The following KLHL12 variants were observed in gnomAD, a reference collection of about 807,000 sequenced individuals.
The protein encoded by KLHL12 is kelch like family member 12.
KLHL12 carries 17 observed loss-of-function variants against 60.8 expected under a neutral mutation model. That is an observed-to-expected ratio of 0.28 (90% CI 0.19 to 0.42). The LOEUF (loss-of-function observed/expected upper bound fraction) is 0.42, where lower values mean the gene tolerates loss of function less well. Among genes scored for constraint, KLHL12 ranks in the 10% least tolerant of loss-of-function variants. The pLI is 1.00. For synonymous variants in KLHL12, 220 were observed against 250.9 expected (o/e 0.88, Z 1.16); for missense variants, 468 against 722.3 (o/e 0.65, Z 4.04).
At chr1:202,903,164 A>T (rs1222486874) in intron 6 of KLHL12, among the ~76,000 whole-genome samples, 2 of 145,068 alleles carry the variant, frequency 1.4e-5, no homozygotes, top group Admixed American at 6.8e-5. Context: ...TGTCTCAAAA[A>T]AAAAAAAAAA....
rs565567974 is a variant in KLHL12, at chr1:202,891,328, T to C, written c.*1205A>G. The C allele has an allele frequency of 3.3e-5, 5 of 152,758 alleles. No individual in the cohort carries two copies. Among genetic ancestry groups the C allele is most frequent in the African/African-American group, 9.6e-5 (4 of 41,566 alleles). The allele number at this position is 152,758 out of a possible 1,614,324, so 9.5% of individuals were successfully genotyped here. A position where few individuals can be genotyped will look rare whatever the true frequency, so the allele number is the denominator to read the frequency against. ...TTGAATGGTAGCTCAGAAATGTTGA[T>C]AGCTGAGGTACTGAAACTAACAAAA... is the stretch of plus-strand genomic sequence containing the variant. On this transcript the variant is annotated 3_prime_UTR_variant, in exon 12 of 12. Coordinates refer to ENST00000367261, the MANE Select transcript of KLHL12 (RefSeq NM_021633.4).
chr1:202,923,860 TA>T (rs377347301), intron 2 of KLHL12, among the ~76,000 whole-genome samples: 3 of 79,098 alleles, frequency 3.8e-5, no homozygotes, highest in African/African-American at 7.5e-5. Flanking sequence ...TAGAACTAAC[TA>T]AAAAAAAAAC....
intron 8 of KLHL12, 111 bp from the exon 9 acceptor site, chr1:202,894,860 T>A: frequency 1.2e-6 from 1 of 818,710 alleles, no homozygotes; most frequent in Non-Finnish European, 2.0e-6. Context: ...AAAAACAAAG[T>A]ATTTTTAAAT....
chr1:202,919,673 T>C, intron 3 of KLHL12, 82 bp downstream of exon 3: 1 of 1,335,772 alleles, frequency 7.5e-7, no homozygotes, highest in Non-Finnish European at 1.0e-6. Context: ...TCCAAAATGT[T>C]CATGATTAAG....
chr1:202,917,225 C>T (rs1056931517), intron 4 of KLHL12, among the ~76,000 whole-genome samples: 2 of 152,022 alleles, frequency 1.3e-5, no homozygotes, highest in Non-Finnish European at 2.9e-5. Context: ...TTCCTTCTTC[C>T]CCCGCAAGAG....
At chr1:202,914,296 C>A (rs1008065523) in intron 4 of KLHL12, among the ~76,000 whole-genome samples, 11 of 152,272 alleles carry the variant, frequency 7.2e-5, no homozygotes, top group South Asian at 4.1e-4. Context: ...GTACATTAGG[C>A]AAAAGGTGAC....
At chr1:202,922,597 C>T (rs1267341329) in intron 2 of KLHL12, among the ~76,000 whole-genome samples, 3 of 151,854 alleles carry the variant, frequency 2.0e-5, no homozygotes, top group Non-Finnish European at 4.4e-5. Context: ...CGCCATTCTC[C>T]TGCCTCAGCC....
chr1:202,908,995 G>C lies in KLHL12; in HGVS notation c.832+15C>G, dbSNP rs749527658. On this transcript the variant is annotated intron_variant, in intron 6 of 11. Coordinates refer to ENST00000367261, the MANE Select transcript of KLHL12 (RefSeq NM_021633.4). The stretch of plus-strand genomic sequence containing the variant: ...TTGAAAAGCATCCCCTCATTCTGCC[G>C]AGATACCAGCTTACCTAGGCGAGCC... 1 of 1,530,506 alleles carries C rather than the reference G, an allele frequency of 6.5e-7. No individual in the cohort carries two copies. The highest frequency in any genetic ancestry group is 2.3e-5 in the East Asian group (1 of 44,402). The allele number at this position is 1,530,506 out of a possible 1,614,324, so 94.8% of individuals were successfully genotyped here. A position where few individuals can be genotyped will look rare whatever the true frequency, so the allele number is the denominator to read the frequency against.
At chr1:202,907,177 TAA>T (rs1237076132) in intron 6 of KLHL12, among the ~76,000 whole-genome samples, 1 of 152,240 alleles carries the variant, frequency 6.6e-6, no homozygotes, top group Non-Finnish European at 1.5e-5. Flanking sequence ...ATGCCCTATC[TAA>T]AAGTTCTCTT....
chr1:202,901,679 CTTCA>C (rs1194505478), intron 6 of KLHL12, among the ~76,000 whole-genome samples: 1 of 152,044 alleles, frequency 6.6e-6, no homozygotes, highest in Non-Finnish European at 1.5e-5. Flanking sequence ...GAAGGACTCT[CTTCA>C]TTATTTTTCC....
At chr1:202,905,481 T>A (rs1240552719) in intron 6 of KLHL12, among the ~76,000 whole-genome samples, 1 of 152,030 alleles carries the variant, frequency 6.6e-6, no homozygotes, top group Admixed American at 6.6e-5. Flanking sequence ...CTAGAGTGAG[T>A]GTCGGAAATT....
rs1660285201 is a variant in KLHL12, at chr1:202,909,252, G to C, written c.718-128C>G. 1 of 573,812 alleles carries C rather than the reference G, an allele frequency of 1.7e-6. No individual in the cohort carries two copies. Among genetic ancestry groups the C allele is most frequent in the Middle Eastern group, 2.7e-4 (1 of 3,676 alleles). The allele number at this position is 573,812 out of a possible 1,614,324, so 35.5% of individuals were successfully genotyped here. A position where few individuals can be genotyped will look rare whatever the true frequency, so the allele number is the denominator to read the frequency against. On this transcript the variant is annotated intron_variant, in intron 5 of 11. Transcript: ENST00000367261. This position sits in a 1 kb window ranked among gnomAD's most constrained non-coding sequence, Gnocchi z 4.1. ...AGTTTGCAAAGCCCTGTGATTCCAGGAGTATTGCTGGTAGTAACCATGCTC... is the reference window on the plus strand; with the variant it reads ...AGTTTGCAAAGCCCTGTGATTCCAGCAGTATTGCTGGTAGTAACCATGCTC...
chr1:202,910,987 T>G (rs1448392760), intron 5 of KLHL12, 67 bp downstream of exon 5: 1 of 1,557,672 alleles, frequency 6.4e-7, no homozygotes, highest in Non-Finnish European at 8.8e-7. Context: ...ATACTCAATT[T>G]TGAATACATA....
intron 6 of KLHL12, among the ~76,000 whole-genome samples, chr1:202,899,844 T>A (rs796591734): frequency 1.0e-4 from 15 of 145,438 alleles, no homozygotes; most frequent in Middle Eastern, 7.1e-3. Context: ...AAAAAAATAA[T>A]AATAATAAAT....
At position 202,895,695 on chromosome 1, in the gene KLHL12, T is replaced by C; in HGVS notation, c.962A>G (p.Tyr321Cys). 1 of 1,614,068 alleles carries C rather than the reference T, an allele frequency of 6.2e-7. No individual in the cohort carries two copies. The highest frequency in any genetic ancestry group is 8.5e-7 in the Non-Finnish European group (1 of 1,179,934). ...FLPSITRKRR[Y>C]VASVSLHDRI... is the part of the protein sequence containing the mutation. ...GTCATGAAGGGACACTGAGGCCACA[T>C]AACGTCTCTTACGAGTGATGCTCTA... The change falls in exon 8 of 12, where the codon TAT becomes TGT. Residue 321 changes from tyrosine (Y) to cysteine (C), a missense_variant. Transcript: ENST00000367261. This position sits in a 1 kb window ranked among gnomAD's most constrained non-coding sequence, Gnocchi z 4.2.
In KLHL12 at chr1:202,912,797, A is replaced by C; in HGVS notation, c.568-1594T>G. The C allele has an allele frequency of 4.2e-6, 4 of 949,478 alleles. No individual in the cohort carries two copies. The South Asian group carries it at 5.3e-5, about 13-fold the overall frequency. 58.8% of individuals were successfully genotyped at this position (949,478 alleles called of 1,614,324 possible). ...TGACAGGGAAGCTACAGGTTACAAC[A>C]GATTTGTGAACTCAGCCAAGCACAG... On this transcript the variant is annotated intron_variant, in intron 4 of 11. Transcript: ENST00000367261.
chr1:202,921,466 T>C (rs774894949), intron 2 of KLHL12, among the ~76,000 whole-genome samples: 1 of 152,278 alleles, frequency 6.6e-6, no homozygotes, highest in African/African-American at 2.4e-5. Flanking sequence ...TGAGCCACCA[T>C]GCCCGGCCCT....
In KLHL12 at chr1:202,892,461, A is replaced by G. The variant is rs1659705413; in HGVS notation, c.*72T>C. ...ACATAGTGAGAAACAGACATTCTGG[A>G]AAGGATTTTTGATTCTCCCACTAAC... On this transcript the variant is annotated 3_prime_UTR_variant, in exon 12 of 12. Transcript: ENST00000367261. The G allele has an allele frequency of 2.7e-5, 42 of 1,553,134 alleles. 3 individuals are homozygous for G. In the South Asian group the frequency reaches 4.3e-4, roughly 16 times the overall value.
chr1:202,904,838 G>T (rs1334259187), intron 6 of KLHL12, among the ~76,000 whole-genome samples: 1 of 152,150 alleles, frequency 6.6e-6, no homozygotes, highest in East Asian at 1.9e-4. Context: ...GTTCAAAAAA[G>T]GAGACAGCCA....
Sources: gnomAD v4.1 joint callset for allele counts (sites outside exome capture counted in the v4.1 genomes callset) on GRCh38, gnomAD v4.1.1 for gene constraint, Gnocchi (gnomAD v3.1) non-coding constraint, MANE v1.5 for transcripts, NCBI Gene and HGNC (gene_info 2026-07-23, HGNC 2026-07-21) for gene names.